UBQLN1: variants seen among roughly 807,000 people sequenced by gnomAD.
The protein encoded by UBQLN1 is ubiquilin 1, also known as ubiquilin-1.
Under a neutral mutation model 65.4 loss-of-function variants are expected in UBQLN1, and 13 were observed. The ratio of observed to expected loss-of-function variants is 0.20; its 90% CI spans 0.13 to 0.32. The LOEUF (loss-of-function observed/expected upper bound fraction) is 0.32, where lower values mean the gene tolerates loss of function less well. Ranked by LOEUF, UBQLN1 falls within the 10% of genes least tolerant of loss-of-function variation. UBQLN1 has a pLI of 1.00. For missense variants in UBQLN1, 561 were observed against 724.0 expected (o/e 0.77, Z 2.58); for synonymous variants, 267 against 247.8 (o/e 1.08, Z -0.73).
At chr9:83,696,458 A>C (rs1339313447) in intron 1 of UBQLN1, among the ~76,000 whole-genome samples, 1 of 152,078 alleles carries the variant, frequency 6.6e-6, no homozygotes, top group Non-Finnish European at 1.5e-5. Flanking sequence ...AAAACAAACA[A>C]AAAAATTTTA....
intron 1 of UBQLN1, among the ~76,000 whole-genome samples, chr9:83,703,031 CAG>C (rs964985829): frequency 2.6e-5 from 4 of 152,096 alleles, no homozygotes; most frequent in Middle Eastern, 3.2e-3. Context: ...AGAAGTTACA[CAG>C]AAACTCCCCT....
intron 3 of UBQLN1, among the ~76,000 whole-genome samples, chr9:83,680,969 A>G (rs1159667342): frequency 6.6e-6 from 1 of 152,268 alleles, no homozygotes; most frequent in East Asian, 1.9e-4. Flanking sequence ...CAGAGCTGGT[A>G]TTGGACAATT....
chr9:83,678,708 G>T, intron 4 of UBQLN1, 109 bp from the exon 5 acceptor site: 3 of 1,179,372 alleles, frequency 2.5e-6, no homozygotes, highest in Non-Finnish European at 3.6e-6. Flanking sequence ...GGAGGCCACT[G>T]TTTTGTTTTG....
intron 1 of UBQLN1, among the ~76,000 whole-genome samples, chr9:83,697,534 AG>A (rs1408153688): frequency 3.4e-5 from 4 of 119,090 alleles, no homozygotes; most frequent in African/African-American, 6.6e-5. Context: ...CCGGGGCAAC[AG>A]TGCAAGACAC....
intron 6 of UBQLN1, among the ~76,000 whole-genome samples, chr9:83,676,790 G>C (rs1485900812): frequency 6.6e-6 from 1 of 152,154 alleles, no homozygotes; most frequent in Non-Finnish European, 1.5e-5. Flanking sequence ...TCTTAGAGAA[G>C]TGCTCCCATG....
chr9:83,699,082 G>C (rs1350991122), intron 1 of UBQLN1, among the ~76,000 whole-genome samples: 1 of 152,180 alleles, frequency 6.6e-6, no homozygotes, highest in Admixed American at 6.5e-5. Flanking sequence ...AATGGTGGTT[G>C]CTAGAGGTGG....
chr9:83,682,919 C>T (rs769482423), intron 3 of UBQLN1, 32 bp downstream of exon 3: 3 of 1,286,478 alleles, frequency 2.3e-6, no homozygotes, highest in Non-Finnish European at 3.3e-6. Flanking sequence ...GTATTTTTTC[C>T]CATCCCTACT....
At chr9:83,680,367 T>C (rs923412875) in intron 3 of UBQLN1, among the ~76,000 whole-genome samples, 1 of 152,090 alleles carries the variant, frequency 6.6e-6, no homozygotes, top group Non-Finnish European at 1.5e-5. Flanking sequence ...CTTTTATTAT[T>C]CATTACAAGC....
rs1831770164 is a variant in UBQLN1 at position 83,673,518 on chromosome 9, C to T, written c.1106-4191G>A. 7.2e-5 allele frequency among the ~76,000 whole-genome samples: 10 copies of T among 139,496 alleles called. No homozygotes were observed. The South Asian group carries it at 2.3e-3, about 32-fold the overall frequency. 91.5% of individuals were successfully genotyped at this position (139,496 alleles called of 152,430 possible). ...CGTGATCATGCTACTGCACTCCAGCCTGGGTGACAGGTCGAGACTCGGTCT... is the reference window on the plus strand; with the variant it reads ...CGTGATCATGCTACTGCACTCCAGCTTGGGTGACAGGTCGAGACTCGGTCT... On this transcript the variant is annotated intron_variant, in intron 6 of 10. Transcript: ENST00000376395.
intron 10 of UBQLN1, among the ~76,000 whole-genome samples, chr9:83,662,275 C>T (rs200482902): frequency 0.16 from 5,630 of 34,270 alleles, 222 homozygotes; most frequent in African/African-American, 0.41. Flanking sequence ...TATACATATA[C>T]ACACACACAC....
Position 83,678,491 on chromosome 9 carries a change from G to A in UBQLN1, c.820C>T (p.Arg274Cys). The change falls in exon 5 of 11, where the codon CGC (arginine) becomes TGC (cysteine). Residue 274 changes from arginine (R) to cysteine (C), a missense_variant. By Grantham distance (180) the Arg-to-Cys change is radical. This residue lies in a region of UBQLN1 where 75 missense variants were observed against 138.9 expected (regional missense o/e 0.54). Coordinates refer to ENST00000376395, the MANE Select transcript of UBQLN1 (RefSeq NM_013438.5). ...SIPGGYNALR[R>C]MYTDIQEPML... ...GGTTCCTGAATATCTGTGTACATGC[G>A]CCTTAAAGCATTATATCCCCCTGGG... is the stretch of plus-strand genomic sequence containing the variant. 1.2e-6 allele frequency: 2 copies of A among 1,613,852 alleles called. No individual in the cohort carries two copies. Among genetic ancestry groups the A allele is most frequent in the Non-Finnish European group, 1.7e-6 (2 of 1,179,920 alleles).
intron 6 of UBQLN1, among the ~76,000 whole-genome samples, chr9:83,671,475 G>GT (rs1831729622): frequency 6.6e-6 from 1 of 152,154 alleles, no homozygotes; most frequent in Non-Finnish European, 1.5e-5. Flanking sequence ...AATGAATGCT[G>GT]TGTTAGTTAA....
At chr9:83,668,956 C>T in intron 7 of UBQLN1, 1 of 461,494 alleles carries the variant, frequency 2.2e-6, no homozygotes, top group Non-Finnish European at 3.6e-6. Context: ...ACTAAACCTG[C>T]ACTTCTTTCT....
intron 6 of UBQLN1, among the ~76,000 whole-genome samples, chr9:83,671,960 T>G (rs1831739700): frequency 6.6e-6 from 1 of 152,266 alleles, no homozygotes; most frequent in African/African-American, 2.4e-5. Flanking sequence ...TAGGAGATCT[T>G]CTGGATAACT....
At position 83,706,921 on chromosome 9, in the gene UBQLN1, G is replaced by A. The variant is rs112303725; in HGVS notation, c.180+579C>T. Among the ~76,000 whole-genome samples the A allele has an allele frequency of 3.8e-3, 573 of 152,196 alleles. 5 individuals carry two copies. Among genetic ancestry groups the A allele is most frequent in the Non-Finnish European group, 4.5e-3 (305 of 68,020 alleles). On this transcript the variant is annotated intron_variant, in intron 1 of 10. Coordinates refer to ENST00000376395, the MANE Select transcript of UBQLN1 (RefSeq NM_013438.5). ...TAGTACTATCACTATTACTTAAGAT[G>A]GAGCTAAAAACAGTTTCTACGTCAT...
intron 1 of UBQLN1, among the ~76,000 whole-genome samples, chr9:83,692,573 C>G (rs1832146158): frequency 6.6e-6 from 1 of 152,312 alleles, no homozygotes; most frequent in Middle Eastern, 3.4e-3. Flanking sequence ...ATATTTTCGG[C>G]CAGGCGCAGT....
At chr9:83,691,704 C>T (rs1438367042) in intron 1 of UBQLN1, among the ~76,000 whole-genome samples, 1 of 152,212 alleles carries the variant, frequency 6.6e-6, no homozygotes, top group Non-Finnish European at 1.5e-5. Context: ...TCCTGACAGA[C>T]ACGTGAGAAA....
rs1587633782 is a variant in UBQLN1, at chr9:83,661,717, A to C, written c.*70T>G. On this transcript the variant is annotated 3_prime_UTR_variant, in exon 11 of 11. Transcript: ENST00000376395. Reference sequence around the variant, plus strand: ...AATTCCAAGAGTCAAAATGAAATAAAGCAGGTATTTTAAAGTTTAAGAGCC... The same window carrying C: ...AATTCCAAGAGTCAAAATGAAATAACGCAGGTATTTTAAAGTTTAAGAGCC... 6.7e-7 allele frequency: 1 copy of C among 1,486,692 alleles called. No individual in the cohort carries two copies. The highest frequency in any genetic ancestry group is 1.4e-5 in the African/African-American group (1 of 71,220). 92.1% of individuals were successfully genotyped at this position (1,486,692 alleles called of 1,614,324 possible).
At chr9:83,662,204 A>C (rs1459272688) in intron 10 of UBQLN1, among the ~76,000 whole-genome samples, 2 of 151,818 alleles carry the variant, frequency 1.3e-5, no homozygotes, top group East Asian at 3.9e-4. Context: ...AATAAACATC[A>C]ACCATTATTT....
Sources: allele counts gnomAD v4.1 joint callset (sites outside exome capture counted in the v4.1 genomes callset), GRCh38; gene constraint gnomAD v4.1.1; regional missense constraint gnomAD v4.1.1; transcripts MANE v1.5; gene names NCBI Gene and HGNC (gene_info 2026-07-23, HGNC 2026-07-21).